TDRD9: variants seen among roughly 807,000 people sequenced by gnomAD.
TDRD9 encodes ATP-dependent RNA helicase TDRD9.
A neutral mutation model predicts 172.6 loss-of-function variants in TDRD9; 124 were observed. That is an observed-to-expected ratio of 0.72 (90% CI 0.62 to 0.83). TDRD9 has a LOEUF of 0.83. Ranked by LOEUF, TDRD9 falls within the 40% of genes least tolerant of loss-of-function variation. The probability of loss-of-function intolerance (pLI) is 0.00; values close to 1 mark genes in which losing one functional copy is unlikely to be tolerated. For synonymous variants in TDRD9, 619 were observed against 617.1 expected (o/e 1.00, Z -0.05); for missense variants, 1,479 against 1,714.1 (o/e 0.86, Z 2.42).
chr14:103,969,748 G>A (rs942262772), intron 5 of TDRD9, among the ~76,000 whole-genome samples: 1 of 133,212 alleles, frequency 7.5e-6, no homozygotes, highest in African/African-American at 2.9e-5. Flanking sequence ...TGTTTCCTAA[G>A]TTCTAGAGTA....
At chr14:104,018,906 G>T (rs2034871430) in intron 23 of TDRD9, among the ~76,000 whole-genome samples, 1 of 151,938 alleles carries the variant, frequency 6.6e-6, no homozygotes, top group South Asian at 2.1e-4. Context: ...TTTCAATTTG[G>T]GGTAATTCCC....
chr14:103,988,589 A>G (rs563549593), intron 8 of TDRD9, among the ~76,000 whole-genome samples: 1 of 150,690 alleles, frequency 6.6e-6, no homozygotes, highest in Non-Finnish European at 1.5e-5. Flanking sequence ...TATGTTGGCC[A>G]TTTTGCTTTT....
At chr14:103,995,906 C>G in intron 12 of TDRD9, 99 bp downstream of exon 12, 1 of 1,107,308 alleles carries the variant, frequency 9.0e-7, no homozygotes, top group Admixed American at 3.0e-5. Context: ...TCCTTCCCAT[C>G]TCCTCCCGTT....
chr14:104,035,004 C>T lies in TDRD9; in HGVS notation c.3664C>T (p.Pro1222Ser). Residue 1222 changes from proline to serine, a missense_variant, in exon 32 of 36, where the codon CCT (proline) becomes TCT (serine). By Grantham distance (74) the Pro-to-Ser change is moderately conservative. This residue lies in a region of TDRD9 where 1,413 missense variants were observed against 1,649.1 expected (regional missense o/e 0.86). Transcript: ENST00000409874. Reference sequence around the variant, plus strand: ...AGAAACCTCTCTGATGCCTCATATCCCTGGCCTCCCGGCTCTCCTCAGCAT... The same window carrying T: ...AGAAACCTCTCTGATGCCTCATATCTCTGGCCTCCCGGCTCTCCTCAGCAT... ...LRETSLMPHI[P>S]GLPALLSMLF... The T allele has an allele frequency of 6.4e-7, 1 of 1,551,748 alleles. No homozygotes were observed. The highest frequency in any genetic ancestry group is 8.7e-7 in the Non-Finnish European group (1 of 1,146,982).
At chr14:103,929,602 C>T (rs1025945811) in intron 1 of TDRD9, among the ~76,000 whole-genome samples, 1 of 151,900 alleles carries the variant, frequency 6.6e-6, no homozygotes, top group Non-Finnish European at 1.5e-5. Context: ...TCACTGCAAT[C>T]TCCCCCTCCT....
Position 103,991,162 on chromosome 14 carries a change from A to G in TDRD9, c.1118A>G (p.Asn373Ser). ...FDDLDMKESGNKAWSGAQFVL... is the reference protein window; with the variant it reads ...FDDLDMKESGSKAWSGAQFVL... ...TGTGCACATCACATTTTTAACAGGAACAAGGCTTGGTCGGGGGCCCAGTTT... is the reference window on the plus strand; with the variant it reads ...TGTGCACATCACATTTTTAACAGGAGCAAGGCTTGGTCGGGGGCCCAGTTT... The change falls in exon 9 of 36, where the codon AAC becomes AGC. Residue 373 changes from asparagine to serine, a missense_variant and splice_region_variant. Asn to Ser is a conservative substitution (Grantham distance 46). Transcript: ENST00000409874. 2 of 1,613,988 alleles carry G rather than the reference A, an allele frequency of 1.2e-6. No individual in the cohort carries two copies. Among genetic ancestry groups the G allele is most frequent in the Non-Finnish European group, 8.5e-7 (1 of 1,179,888 alleles).
chr14:103,972,872 G>C (rs1055120890), intron 6 of TDRD9, among the ~76,000 whole-genome samples: 1 of 152,216 alleles, frequency 6.6e-6, no homozygotes, highest in East Asian at 1.9e-4. Context: ...ACTATGAAAT[G>C]AATGAGAGAA....
rs562644742 is a variant in TDRD9, at chr14:103,973,404, C to T, written c.847-1985C>T. Among the ~76,000 whole-genome samples, 37 of 152,306 alleles carry T rather than the reference C, an allele frequency of 2.4e-4. 1 individual carries two copies. Among genetic ancestry groups the T allele is most frequent in the South Asian group, 8.3e-4 (4 of 4,824 alleles). The stretch of plus-strand genomic sequence containing the variant: ...CAACCTTTAGGTCCCTGTGGTTCCC[C>T]CGACCTGGCTTCCTCTCACTGCCTC... On this transcript the variant is annotated intron_variant, in intron 6 of 35. Transcript: ENST00000409874.
intron 23 of TDRD9, among the ~76,000 whole-genome samples, chr14:104,020,341 A>C (rs1357715901): frequency 6.6e-6 from 1 of 152,176 alleles, no homozygotes; most frequent in Non-Finnish European, 1.5e-5. Context: ...TGGACATGAA[A>C]AGGAGCCAAC....
At chr14:104,041,948 C>A (rs896420128) in intron 33 of TDRD9, 121 bp from the exon 34 acceptor site, 3 of 638,934 alleles carry the variant, frequency 4.7e-6, no homozygotes, top group South Asian at 2.6e-5. Flanking sequence ...CTTCAGCAGG[C>A]GAGTGGATAA....
In TDRD9 at chr14:104,022,329, A is replaced by G. The variant is rs775999353; in HGVS notation, c.2605A>G (p.Arg869Gly). The change falls in exon 24 of 36, where the codon AGG (arginine) becomes GGG (glycine). Residue 869 changes from arginine to glycine, a missense_variant and splice_region_variant. By Grantham distance (125) the Arg-to-Gly change is moderately radical. Coordinates refer to ENST00000409874, the MANE Select transcript of TDRD9 (RefSeq NM_153046.3). ...GAACGTCTCAAAGCTCAGGAACACA[A>G]GGTATTTTCGGGAGGGAGGTGGCAG... ...GMNVSKLRNT[R>G]VNVDFQKQTV... 6 of 1,609,562 alleles carry G rather than the reference A, an allele frequency of 3.7e-6. No homozygotes were observed. Among genetic ancestry groups the G allele is most frequent in the Non-Finnish European group, 4.2e-6 (5 of 1,177,484 alleles).
intron 1 of TDRD9, among the ~76,000 whole-genome samples, chr14:103,933,047 C>T (rs189292370): frequency 9.2e-5 from 14 of 152,208 alleles, no homozygotes; most frequent in Admixed American, 7.9e-4. Context: ...AAGGTGTTGC[C>T]GGAGTGCCTG....
In TDRD9 at chr14:103,946,331, G is replaced by A. The variant is rs568832278; in HGVS notation, c.216-9333G>A. 3.9e-4 allele frequency among the ~76,000 whole-genome samples: 59 copies of A among 152,168 alleles called. 1 individual carries two copies. The highest frequency in any genetic ancestry group is 1.4e-3 in the African/African-American group (57 of 41,522). On this transcript the variant is annotated intron_variant, in intron 1 of 35. Transcript: ENST00000409874. ...TGGGTTATTGATTCATTTTTCTTAA[G>A]GTAAAAAGTACATTTCTGTGGAGTT...
chr14:104,034,334 G>T (rs563775656), intron 31 of TDRD9, among the ~76,000 whole-genome samples: 1 of 142,716 alleles, frequency 7.0e-6, no homozygotes, highest in Non-Finnish European at 1.6e-5. Context: ...GGGACTACAA[G>T]CACCTGCCAC....
intron 1 of TDRD9, chr14:103,940,937 C>T (rs2031188184): frequency 1.3e-6 from 2 of 1,535,316 alleles, no homozygotes; most frequent in African/African-American, 1.4e-5. Context: ...TTGGAGCTGT[C>T]ACCTTGGATC....
At chr14:104,025,541 C>T in intron 25 of TDRD9, 23 bp from the exon 26 acceptor site, 1 of 1,603,670 alleles carries the variant, frequency 6.2e-7, no homozygotes, top group South Asian at 1.1e-5. Context: ...GATTTCATCT[C>T]TTCTCCTCCT....
intron 1 of TDRD9, among the ~76,000 whole-genome samples, chr14:103,950,836 A>G (rs934906623): frequency 2.6e-5 from 4 of 152,240 alleles, no homozygotes; most frequent in African/African-American, 9.6e-5. Context: ...ATGTTTTATA[A>G]CAAAAAAGAC....
chr14:103,933,040 G>A (rs1228178484), intron 1 of TDRD9, among the ~76,000 whole-genome samples: 2 of 152,162 alleles, frequency 1.3e-5, no homozygotes, highest in East Asian at 3.9e-4. Context: ...CACGATGAAG[G>A]TGTTGCCGGA....
intron 24 of TDRD9, 71 bp from the exon 25 acceptor site, chr14:104,024,498 A>G: frequency 1.3e-6 from 1 of 794,832 alleles, no homozygotes; most frequent in South Asian, 1.8e-5. Flanking sequence ...TCAAGTGATA[A>G]TTTCACATAT....
Sources: allele counts gnomAD v4.1 joint callset (sites outside exome capture counted in the v4.1 genomes callset), GRCh38; gene constraint gnomAD v4.1.1; regional missense constraint gnomAD v4.1.1; transcripts MANE v1.5; gene names NCBI Gene and HGNC (gene_info 2026-07-23, HGNC 2026-07-21).